CNTN5: variants seen among roughly 807,000 people sequenced by gnomAD.
CNTN5 encodes contactin 5.
Under a neutral mutation model 129.1 loss-of-function variants are expected in CNTN5, and 77 were observed. The ratio of observed to expected loss-of-function variants is 0.60; its 90% CI spans 0.50 to 0.72. The LOEUF is 0.72. Among genes scored for constraint, CNTN5 ranks in the 30% least tolerant of loss-of-function variants. CNTN5 has a pLI of 0.00. For synonymous variants in CNTN5, 509 were observed against 465.6 expected (o/e 1.09, Z -1.20); for missense variants, 1,478 against 1,328.8 (o/e 1.11, Z -1.75).
intron 2 of CNTN5, among the ~76,000 whole-genome samples, chr11:99,444,425 G>A (rs533244619): frequency 6.6e-6 from 1 of 152,262 alleles, no homozygotes; most frequent in Admixed American, 6.5e-5. Flanking sequence ...TGGCATATGT[G>A]TGTAAAATAG....
At chr11:99,382,844 ACTTTTTTTTT>A (rs1328184829) in intron 2 of CNTN5, among the ~76,000 whole-genome samples, 9,852 of 69,420 alleles carry the variant, frequency 0.14, 614 homozygotes, top group African/African-American at 0.16. Flanking sequence ...TCTCTAAATA[ACTTTTTTTTT>A]TTTTTTTTTT....
rs568310162 is a variant in CNTN5 at position 99,144,875 on chromosome 11, C to T, written c.-210+123605C>T. Among the ~76,000 whole-genome samples the T allele has an allele frequency of 3.9e-4, 59 of 151,956 alleles. 2 individuals carry two copies. The South Asian group carries it at 0.012, about 32-fold the overall frequency. ...ATCTTTCTTAGTTTCTGTGAAATCG[C>T]TATTTTGAATTCCTTTCCAGGCATT... On this transcript the variant is annotated intron_variant, in intron 1 of 24. Transcript: ENST00000524871.
chr11:99,999,404 A>T (rs919767764), intron 8 of CNTN5, among the ~76,000 whole-genome samples: 4 of 152,242 alleles, frequency 2.6e-5, no homozygotes, highest in East Asian at 1.9e-4. Context: ...ACACATGCAA[A>T]AATGCTCATC....
intron 3 of CNTN5, among the ~76,000 whole-genome samples, chr11:99,735,994 T>C (rs1477124570): frequency 6.6e-5 from 10 of 151,586 alleles, no homozygotes; most frequent in Non-Finnish European, 1.5e-4. Context: ...GAATAGCTCC[T>C]CTTGATTTCT....
At chr11:99,404,501 A>ATT (rs71463574) in intron 2 of CNTN5, among the ~76,000 whole-genome samples, 1 of 151,460 alleles carries the variant, frequency 6.6e-6, no homozygotes, top group African/African-American at 2.4e-5. Context: ...CTTGCTTTTT[A>ATT]TTTTTTTCTG....
intron 1 of CNTN5, among the ~76,000 whole-genome samples, chr11:99,272,477 C>T (rs75478253): frequency 0.094 from 14,325 of 151,744 alleles, 714 homozygotes; most frequent in South Asian, 0.13. Flanking sequence ...TCAAACTCCT[C>T]GAACAATCCT....
chr11:100,271,224 T>A lies in CNTN5; in HGVS notation c.2297T>A (p.Ile766Asn). The A allele has an allele frequency of 6.2e-7, 1 of 1,605,266 alleles. No individual in the cohort carries two copies. Among genetic ancestry groups the A allele is most frequent in the Non-Finnish European group, 8.5e-7 (1 of 1,177,362 alleles). Residue 766 changes from isoleucine (I) to asparagine (N), a missense_variant, in exon 18 of 25, where the codon ATC (isoleucine) becomes AAC (asparagine). By Grantham distance (149) the Ile-to-Asn change is moderately radical. Transcript: ENST00000524871. The stretch of plus-strand genomic sequence containing the variant: ...GATCCAAGCACCCCATCTCGAATGA[T>A]CCGCACAAATGAAGCAGGTAAAAAT... The part of the protein sequence containing the change: ...TGDPSTPSRM[I>N]RTNEAVPKTA...
chr11:99,907,493 AT>A (rs1158693015), intron 6 of CNTN5, among the ~76,000 whole-genome samples: 2 of 151,940 alleles, frequency 1.3e-5, no homozygotes, highest in Non-Finnish European at 2.9e-5. Flanking sequence ...CAAAAAGTGT[AT>A]CCTGGAATCT....
chr11:99,073,245 ATGG>A (rs1865412058), intron 1 of CNTN5, among the ~76,000 whole-genome samples: 1 of 151,260 alleles, frequency 6.6e-6, no homozygotes, highest in Admixed American at 6.6e-5. Context: ...CCAAAGGGAG[ATGG>A]TTGAGTCATA....
chr11:100,043,962 A>C (rs1337522958), intron 9 of CNTN5, among the ~76,000 whole-genome samples: 1 of 152,036 alleles, frequency 6.6e-6, no homozygotes, highest in Non-Finnish European at 1.5e-5. Flanking sequence ...GTAGTGGTGA[A>C]GTGTGTTTAG....
intron 9 of CNTN5, among the ~76,000 whole-genome samples, chr11:100,032,515 A>G (rs1026882673): frequency 6.6e-6 from 1 of 151,962 alleles, no homozygotes; most frequent in African/African-American, 2.4e-5. Context: ...AATGATATAT[A>G]TATATATAAA....
chr11:99,782,709 G>C (rs962058565), intron 3 of CNTN5, among the ~76,000 whole-genome samples: 7 of 151,890 alleles, frequency 4.6e-5, no homozygotes, highest in East Asian at 2.0e-4. Context: ...ACAAACCTGA[G>C]AAAAACAAGC....
intron 2 of CNTN5, among the ~76,000 whole-genome samples, chr11:99,550,018 G>A (rs972079020): frequency 1.3e-5 from 2 of 151,958 alleles, no homozygotes; most frequent in African/African-American, 2.4e-5. Flanking sequence ...ATTCCACGCA[G>A]GTTTTGTTGA....
chr11:99,616,157 C>G (rs567861049), intron 3 of CNTN5, among the ~76,000 whole-genome samples: 1 of 152,142 alleles, frequency 6.6e-6, no homozygotes, highest in East Asian at 1.9e-4. Flanking sequence ...TAGAATTATT[C>G]TATCACCTCA....
chr11:100,125,695 T>C (rs184356316), intron 13 of CNTN5, among the ~76,000 whole-genome samples: 1 of 152,242 alleles, frequency 6.6e-6, no homozygotes, highest in Non-Finnish European at 1.5e-5. Context: ...ATAGCAATGC[T>C]GGGTCAAATG....
intron 1 of CNTN5, among the ~76,000 whole-genome samples, chr11:99,119,941 T>C (rs1858226790): frequency 6.6e-6 from 1 of 152,174 alleles, no homozygotes; most frequent in Admixed American, 6.6e-5. Context: ...AAAGTATTCA[T>C]GTATTTTGCC....
intron 6 of CNTN5, among the ~76,000 whole-genome samples, chr11:99,851,249 G>A (rs1947864850): frequency 6.6e-6 from 1 of 152,138 alleles, no homozygotes. Flanking sequence ...AAAAATTAAT[G>A]AGGTGGAGAA....
intron 16 of CNTN5, among the ~76,000 whole-genome samples, chr11:100,235,512 T>C (rs1354617691): frequency 1.3e-5 from 2 of 152,096 alleles, no homozygotes; most frequent in Admixed American, 6.6e-5. Context: ...CCTCCCTTTT[T>C]AGGCTCTTCC....
At chr11:100,221,723 G>A (rs959271750) in intron 15 of CNTN5, among the ~76,000 whole-genome samples, 12 of 152,036 alleles carry the variant, frequency 7.9e-5, no homozygotes, top group Admixed American at 4.6e-4. Context: ...AGGTTTCGGC[G>A]TGTTGTGTTA....
Sources: gnomAD v4.1 joint callset for allele counts (sites outside exome capture counted in the v4.1 genomes callset) on GRCh38, gnomAD v4.1.1 for gene constraint, MANE v1.5 for transcripts, NCBI Gene and HGNC (gene_info 2026-07-23, HGNC 2026-07-21) for gene names.